CSMD1: variants seen among roughly 807,000 people sequenced by gnomAD.
CSMD1 encodes CUB and sushi domain-containing protein 1.
A neutral mutation model predicts 417.5 loss-of-function variants in CSMD1; 213 were observed. The observed-to-expected ratio is 0.51, with a 90% confidence interval of 0.46 to 0.57. CSMD1 has a LOEUF of 0.57. Among genes scored for constraint, CSMD1 ranks in the 20% least tolerant of loss-of-function variants. The pLI, the probability that CSMD1 is intolerant of heterozygous loss-of-function variation, is 0.00. For missense variants in CSMD1, 6,923 were observed against 4,529.7 expected (o/e 1.53, Z -15.17); for synonymous variants, 2,862 against 1,736.8 (o/e 1.65, Z -16.11).
chr8:3,431,098 A>G (rs1418522630), intron 12 of CSMD1, among the ~76,000 whole-genome samples: 1 of 152,172 alleles, frequency 6.6e-6, no homozygotes, highest in African/African-American at 2.4e-5. Context: ...TGTTCTAGAC[A>G]GTAAGGAGCC....
At chr8:4,962,346 G>C (rs562785563) in intron 1 of CSMD1, among the ~76,000 whole-genome samples, 1 of 152,022 alleles carries the variant, frequency 6.6e-6, no homozygotes, top group African/African-American at 2.4e-5. Context: ...AATTAGCTAG[G>C]ACTACAGGTG....
At chr8:4,076,279 G>C (rs1787638304) in intron 3 of CSMD1, among the ~76,000 whole-genome samples, 1 of 152,270 alleles carries the variant, frequency 6.6e-6, no homozygotes, top group East Asian at 1.9e-4. Context: ...GAATATGTTT[G>C]CTTCTCCCTC....
In CSMD1 at chr8:4,899,562, G is replaced by C. The variant is rs183742845; in HGVS notation, c.85+94770C>G. 3.1e-3 allele frequency among the ~76,000 whole-genome samples: 471 copies of C among 152,220 alleles called. 6 individuals carry two copies. Among genetic ancestry groups the C allele is most frequent in the African/African-American group, 0.011 (446 of 41,532 alleles). ...ATCTATATCACTCTTTCTTGTCATG[G>C]TGATCTGGACACTGAAAGTCAATAT... On this transcript the variant is annotated intron_variant, in intron 1 of 69. Transcript: ENST00000635120.
At chr8:4,398,050 G>C (rs555416708) in intron 3 of CSMD1, among the ~76,000 whole-genome samples, 1 of 152,164 alleles carries the variant, frequency 6.6e-6, no homozygotes, top group Non-Finnish European at 1.5e-5. Context: ...TATCTCTCTA[G>C]AAATATCAAA....
chr8:4,035,312 T>C (rs762317027), intron 3 of CSMD1, among the ~76,000 whole-genome samples: 4 of 152,204 alleles, frequency 2.6e-5, no homozygotes, highest in South Asian at 2.1e-4. Context: ...TGCTTGATGA[T>C]AATAGTGAAC....
intron 2 of CSMD1, among the ~76,000 whole-genome samples, chr8:4,625,509 G>T (rs756509227): frequency 6.6e-6 from 1 of 151,864 alleles, no homozygotes. Flanking sequence ...AAGCACATAT[G>T]TTCCACTTCC....
intron 26 of CSMD1, among the ~76,000 whole-genome samples, chr8:3,242,767 G>C (rs986193714): frequency 6.6e-6 from 1 of 151,898 alleles, no homozygotes; most frequent in Admixed American, 6.6e-5. Flanking sequence ...AAGGGGTTCG[G>C]GGTTTCTTAC....
chr8:3,838,497 C>A (rs1426957902), intron 5 of CSMD1, among the ~76,000 whole-genome samples: 2 of 127,596 alleles, frequency 1.6e-5, no homozygotes, highest in African/African-American at 3.0e-5. Context: ...AGATATATAG[C>A]CTAGGCTATA....
At chr8:4,011,129 C>G (rs945207867) in intron 4 of CSMD1, among the ~76,000 whole-genome samples, 2 of 152,162 alleles carry the variant, frequency 1.3e-5, no homozygotes, top group African/African-American at 2.4e-5. Context: ...ATTATGTAAT[C>G]TATAACCTTC....
chr8:4,630,256 C>T (rs1436027460), intron 2 of CSMD1, among the ~76,000 whole-genome samples: 1 of 144,526 alleles, frequency 6.9e-6, no homozygotes, highest in Non-Finnish European at 1.5e-5. Flanking sequence ...CAAATAAGCA[C>T]ACAGCAAATA....
intron 26 of CSMD1, among the ~76,000 whole-genome samples, chr8:3,244,262 G>T (rs913852892): frequency 2.0e-5 from 3 of 152,138 alleles, no homozygotes; most frequent in African/African-American, 7.2e-5. Context: ...GTATTTTGGA[G>T]GGTCAGTAGC....
rs1388282094 is a variant in CSMD1, at chr8:3,420,415, G to A, written c.1562-10810C>T. ...TGGGTGGTTCCTGGGACAGGAAGAG[G>A]ACACTAGGAAAAAAAAAAAAAAGCC... On this transcript the variant is annotated intron_variant, in intron 12 of 69. Coordinates refer to ENST00000635120, the MANE Select transcript of CSMD1 (RefSeq NM_033225.6). Among the ~76,000 whole-genome samples the A allele has an allele frequency of 4.9e-5, 7 of 143,022 alleles. No individual in the cohort carries two copies. In the East Asian group the frequency reaches 1.5e-3, roughly 31 times the overall value. The allele number at this position is 143,022 out of a possible 152,430, so 93.8% of individuals were successfully genotyped here. A position where few individuals can be genotyped will look rare whatever the true frequency, so the allele number is the denominator to read the frequency against.
intron 2 of CSMD1, among the ~76,000 whole-genome samples, chr8:4,460,004 C>G (rs1369834707): frequency 6.6e-6 from 1 of 152,076 alleles, no homozygotes; most frequent in African/African-American, 2.4e-5. Flanking sequence ...CAAAATAGTA[C>G]TATAAACCAA....
intron 39 of CSMD1, among the ~76,000 whole-genome samples, chr8:3,156,567 G>A (rs1819547812): frequency 6.6e-6 from 1 of 152,126 alleles, no homozygotes; most frequent in South Asian, 2.1e-4. Flanking sequence ...ACCTGCAGGT[G>A]GGAGCTCAGA....
intron 55 of CSMD1, among the ~76,000 whole-genome samples, chr8:2,977,863 A>C (rs1805067974): frequency 6.6e-6 from 1 of 152,204 alleles, no homozygotes; most frequent in Non-Finnish European, 1.5e-5. Context: ...TGCAAATCAA[A>C]ACTACAATGA....
intron 3 of CSMD1, among the ~76,000 whole-genome samples, chr8:4,174,680 C>G (rs1384313676): frequency 8.9e-6 from 1 of 111,854 alleles, no homozygotes; most frequent in East Asian, 2.5e-4. Context: ...CTAACATGCT[C>G]AAAGAAAAAA....
chr8:3,307,592 C>G, intron 25 of CSMD1, 103 bp downstream of exon 25: 3 of 1,315,870 alleles, frequency 2.3e-6, no homozygotes, highest in Non-Finnish European at 3.1e-6. Flanking sequence ...TTCTTTAGTT[C>G]AGAAACTTTA....
At chr8:2,993,213 A>G (rs911588664) in intron 54 of CSMD1, among the ~76,000 whole-genome samples, 4 of 152,240 alleles carry the variant, frequency 2.6e-5, no homozygotes, top group African/African-American at 9.6e-5. Context: ...AACAATGTAT[A>G]AAGGCCACTT....
chr8:3,788,409 G>A (rs537593698), intron 5 of CSMD1, among the ~76,000 whole-genome samples: 2 of 152,116 alleles, frequency 1.3e-5, no homozygotes, highest in African/African-American at 2.4e-5. Flanking sequence ...ACCCAAGTGA[G>A]GCTTCTGGAG....
Sources: allele counts gnomAD v4.1 joint callset (sites outside exome capture counted in the v4.1 genomes callset), GRCh38; gene constraint gnomAD v4.1.1; transcripts MANE v1.5; gene names NCBI Gene and HGNC (gene_info 2026-07-23, HGNC 2026-07-21).